SPTBN1: variants seen among roughly 807,000 people sequenced by gnomAD.
SPTBN1 encodes the protein spectrin beta, non-erythrocytic 1, also known as spectrin beta chain, non-erythrocytic 1.
Under a neutral mutation model 266.4 loss-of-function variants are expected in SPTBN1, and 32 were observed. The ratio of observed to expected loss-of-function variants is 0.12; its 90% CI spans 0.09 to 0.16. The LOEUF is 0.16. Among genes scored for constraint, SPTBN1 ranks in the 10% least tolerant of loss-of-function variants. The pLI, the probability that SPTBN1 is intolerant of heterozygous loss-of-function variation, is 1.00. For synonymous variants in SPTBN1, 1,336 were observed against 1,162.2 expected (o/e 1.15, Z -3.04); for missense variants, 2,296 against 3,067.1 (o/e 0.75, Z 5.94).
At chr2:54,565,724 A>G (rs1320283970) in intron 2 of SPTBN1, among the ~76,000 whole-genome samples, 2 of 152,240 alleles carry the variant, frequency 1.3e-5, no homozygotes, top group Admixed American at 6.5e-5. Context: ...AATAACTGCC[A>G]GGTCTGCTTC....
intron 2 of SPTBN1, among the ~76,000 whole-genome samples, chr2:54,542,234 G>T (rs1671979716): frequency 6.6e-6 from 1 of 152,230 alleles, no homozygotes; most frequent in Non-Finnish European, 1.5e-5. Context: ...ACAGAGGAGA[G>T]TTGTTGTCAG....
At chr2:54,583,854 C>A (rs1190646109) in intron 2 of SPTBN1, among the ~76,000 whole-genome samples, 1 of 152,158 alleles carries the variant, frequency 6.6e-6, no homozygotes, top group Non-Finnish European at 1.5e-5. Context: ...CCAGACCCAT[C>A]GGGTGAACCT....
chr2:54,519,968 G>A (rs1355303163), intron 1 of SPTBN1, among the ~76,000 whole-genome samples: 2 of 152,132 alleles, frequency 1.3e-5, no homozygotes, highest in Admixed American at 6.5e-5. Flanking sequence ...GATGCAGGGC[G>A]TAGAGGTCGG....
At chr2:54,502,289 A>G (rs1669315889) in intron 1 of SPTBN1, among the ~76,000 whole-genome samples, 1 of 152,150 alleles carries the variant, frequency 6.6e-6, no homozygotes, top group African/African-American at 2.4e-5. Flanking sequence ...GGAGCCTGTC[A>G]CAGGACCTCA....
chr2:54,655,377 C>T (rs1680582162), intron 28 of SPTBN1, among the ~76,000 whole-genome samples, 169 bp downstream of exon 28: 1 of 152,172 alleles, frequency 6.6e-6, no homozygotes, highest in Non-Finnish European at 1.5e-5. Context: ...ATGCAAGACT[C>T]TAGGCCCAGG....
At chr2:54,576,074 A>ATTTTTTTTTTTTTTTTTTCT (rs1209132160) in intron 2 of SPTBN1, among the ~76,000 whole-genome samples, 1 of 93,858 alleles carries the variant, frequency 1.1e-5, no homozygotes, top group African/African-American at 4.0e-5. Context: ...TTTTTTTTTG[A>ATTTTTTTTTTTTTTTTTTCT]GAGACAGTCT....
At position 54,649,314 on chromosome 2, in the gene SPTBN1, G is replaced by A; in HGVS notation, c.5202+124G>A. 8.7e-7 allele frequency: 1 copy of A among 1,146,990 alleles called. No homozygotes were observed. The highest frequency in any genetic ancestry group is 1.2e-6 in the Non-Finnish European group (1 of 828,272). 71.1% of individuals were successfully genotyped at this position (1,146,990 alleles called of 1,614,324 possible). On this transcript the variant is annotated intron_variant, in intron 25 of 35. Coordinates refer to ENST00000356805, the MANE Select transcript of SPTBN1 (RefSeq NM_003128.3). This position sits in a 1 kb window ranked among gnomAD's most constrained non-coding sequence, Gnocchi z 6.7. ...CTCCAATCAGAGGTCTTGGGGTTTAGTTTTAAGGTGGTGTTTCTTTTATAA... is the reference window on the plus strand; with the variant it reads ...CTCCAATCAGAGGTCTTGGGGTTTAATTTTAAGGTGGTGTTTCTTTTATAA...
At chr2:54,525,874 G>C (rs1198458222) in intron 1 of SPTBN1, among the ~76,000 whole-genome samples, 1 of 152,212 alleles carries the variant, frequency 6.6e-6, no homozygotes, top group East Asian at 1.9e-4. Flanking sequence ...TGGGATTACA[G>C]GCATGTGCCA....
At chr2:54,607,745 A>G (rs1406678183) in intron 3 of SPTBN1, among the ~76,000 whole-genome samples, 2 of 152,216 alleles carry the variant, frequency 1.3e-5, no homozygotes, top group Non-Finnish European at 2.9e-5. Context: ...GGGTCCTGGA[A>G]TCAATCCCCT....
At chr2:54,600,847 TC>T (rs1676455094) in intron 3 of SPTBN1, among the ~76,000 whole-genome samples, 3 of 151,850 alleles carry the variant, frequency 2.0e-5, no homozygotes, top group African/African-American at 7.3e-5. Context: ...TTATTTTTGT[TC>T]CAATAGGGTC....
At chr2:54,474,100 A>T (rs573701996) in intron 1 of SPTBN1, among the ~76,000 whole-genome samples, 3 of 152,330 alleles carry the variant, frequency 2.0e-5, no homozygotes, top group Admixed American at 6.5e-5. Flanking sequence ...TGGTAGGTGG[A>T]GTAATGAGTT....
At chr2:54,587,025 G>A (rs150212076) in intron 2 of SPTBN1, among the ~76,000 whole-genome samples, 1 of 152,118 alleles carries the variant, frequency 6.6e-6, no homozygotes, top group Non-Finnish European at 1.5e-5. Context: ...ATAAGCAAGG[G>A]CCGGGGAGCA....
Position 54,668,889 on chromosome 2 carries a change from G to A in SPTBN1, c.*320G>A, listed in dbSNP as rs1236109415. The A allele has an allele frequency of 3.3e-6, 1 of 299,486 alleles. No individual in the cohort carries two copies. The highest frequency in any genetic ancestry group is 2.2e-5 in the African/African-American group (1 of 44,898). 18.6% of individuals were successfully genotyped at this position (299,486 alleles called of 1,614,324 possible). A position where few individuals can be genotyped will look rare whatever the true frequency, so the allele number is the denominator to read the frequency against. The stretch of plus-strand genomic sequence containing the variant: ...AAATAACCCGCCTCTAGTGCTGTTG[G>A]TATGCAAGGCAGCGGTGCTTAATCA... On this transcript the variant is annotated 3_prime_UTR_variant, in exon 36 of 36. Coordinates refer to ENST00000356805, the MANE Select transcript of SPTBN1 (RefSeq NM_003128.3).
At chr2:54,594,779 C>T (rs59872827) in intron 2 of SPTBN1, among the ~76,000 whole-genome samples, 1 of 148,668 alleles carries the variant, frequency 6.7e-6, no homozygotes, top group Non-Finnish European at 1.5e-5. Flanking sequence ...TACATAACTT[C>T]TAAATCTTGT....
intron 1 of SPTBN1, among the ~76,000 whole-genome samples, chr2:54,522,110 C>G (rs971651261): frequency 1.3e-5 from 2 of 151,620 alleles, no homozygotes; most frequent in Admixed American, 1.3e-4. Context: ...CTGTGTTGTC[C>G]AGTCTGGTCT....
chr2:54,650,159 C>A (rs1680177157), intron 26 of SPTBN1, among the ~76,000 whole-genome samples, 170 bp downstream of exon 26: 1 of 152,174 alleles, frequency 6.6e-6, no homozygotes, highest in Non-Finnish European at 1.5e-5. Flanking sequence ...ACTTATCAGT[C>A]CATAAAGGTC....
At chr2:54,643,451 A>G (rs1679712273) in intron 19 of SPTBN1, among the ~76,000 whole-genome samples, 1 of 152,212 alleles carries the variant, frequency 6.6e-6, no homozygotes, top group African/African-American at 2.4e-5. Context: ...TGTCTTGATC[A>G]TATTATTTGT....
At chr2:54,532,315 T>C (rs904115062) in intron 2 of SPTBN1, among the ~76,000 whole-genome samples, 1 of 152,210 alleles carries the variant, frequency 6.6e-6, no homozygotes, top group African/African-American at 2.4e-5. Context: ...AGAATTAACA[T>C]TGAGTATTGT....
At chr2:54,559,897 A>T (rs1673167920) in intron 2 of SPTBN1, among the ~76,000 whole-genome samples, 1 of 152,102 alleles carries the variant, frequency 6.6e-6, no homozygotes, top group Non-Finnish European at 1.5e-5. Flanking sequence ...AATGTTTTTC[A>T]TTGGGAAGAG....
Sources: allele counts gnomAD v4.1 joint callset (sites outside exome capture counted in the v4.1 genomes callset), GRCh38; gene constraint gnomAD v4.1.1; non-coding constraint Gnocchi (gnomAD v3.1); transcripts MANE v1.5; gene names NCBI Gene and HGNC (gene_info 2026-07-23, HGNC 2026-07-21).